Variants in PCDHGC5 observed in about 807,000 individuals in gnomAD.
PCDHGC5 encodes protocadherin gamma subfamily C, 5.
PCDHGC5 carries 25 observed loss-of-function variants against 59.0 expected under a neutral mutation model. That is an observed-to-expected ratio of 0.42 (90% confidence interval 0.31 to 0.59). PCDHGC5 has a LOEUF of 0.59. Ranked by LOEUF, PCDHGC5 falls within the 20% of genes least tolerant of loss-of-function variation. The pLI is 0.13. For synonymous variants in PCDHGC5, 434 were observed against 505.5 expected, an observed-to-expected ratio of 0.86 and a Z score of 1.90; for missense variants, 1,067 against 1,206.4, an observed-to-expected ratio of 0.88 and a Z score of 1.71.
At position 141,489,108 on chromosome 5, in the gene PCDHGC5, A is replaced by C; in HGVS notation, c.-133A>C. The C allele has an allele frequency of 2.0e-6, 1 of 489,086 alleles. No individual in the cohort carries two copies. The highest frequency in any genetic ancestry group is 3.5e-6 in the Non-Finnish European group (1 of 287,626). 30.3% of individuals were successfully genotyped at this position (489,086 alleles called of 1,614,324 possible). On this transcript the variant is annotated 5_prime_UTR_variant, in exon 1 of 4. Transcript: ENST00000252087. This position sits in a 1 kb window ranked among gnomAD's most constrained non-coding sequence, Gnocchi z 4.5. The stretch of plus-strand genomic sequence containing the variant: ...TCGGTGACTAAGAACTGCTGCAAGC[A>C]GGCAAACCTCCGAGCAGTTTTTAAG...
At chr5:141,498,991 AG>A (rs1449718352) in intron 2 of PCDHGC5, among the ~76,000 whole-genome samples, 8 of 144,362 alleles carry the variant, frequency 5.5e-5, no homozygotes, top group Non-Finnish European at 1.0e-4. Context: ...GAAGGAAGGA[AG>A]GAAGGAAGGA....
At position 141,490,479 on chromosome 5, in the gene PCDHGC5, C is replaced by T; in HGVS notation, c.1239C>T (p.Asp413=). 11 of 1,614,216 alleles carry T rather than the reference C, an allele frequency of 6.8e-6. No homozygotes were observed. Among genetic ancestry groups the T allele is most frequent in the Non-Finnish European group, 9.3e-6 (11 of 1,180,032 alleles). The part of the protein sequence containing the change: ...HYSLLTSQPL[D]REATSHYIIE... ...CGCTGCTAACCAGCCAGCCTTTGGACCGGGAGGCCACATCCCACTATATCA... is the reference window on the plus strand; with the variant it reads ...CGCTGCTAACCAGCCAGCCTTTGGATCGGGAGGCCACATCCCACTATATCA... The change falls in exon 1 of 4, where the codon GAC becomes GAT. Residue 413 remains aspartate (D), a synonymous_variant. Coordinates refer to ENST00000252087, the MANE Select transcript of PCDHGC5 (RefSeq NM_018929.3). This position sits in a 1 kb window ranked among gnomAD's most constrained non-coding sequence, Gnocchi z 5.4.
chr5:141,506,216 T>A (rs2237080), intron 3 of PCDHGC5, among the ~76,000 whole-genome samples: 78,167 of 151,604 alleles, frequency 0.52, 20,820 homozygotes, highest in African/African-American at 0.63. Flanking sequence ...TTTGGGAAGC[T>A]GAGGCAGGAG....
rs1243327893 is a variant in PCDHGC5, at chr5:141,491,671, C to G, written c.2431C>G (p.Arg811Gly). 1 of 1,613,484 alleles carries G rather than the reference C, an allele frequency of 6.2e-7. No homozygotes were observed. Among genetic ancestry groups the G allele is most frequent in the Admixed American group, 1.7e-5 (1 of 60,034 alleles). The change falls in exon 1 of 4, where the codon CGC becomes GGC. Residue 811 changes from arginine (R) to glycine (G), a missense_variant. By Grantham distance (125) the Arg-to-Gly change is moderately radical (BLOSUM62 -2). Transcript: ENST00000252087. This position sits in a 1 kb window ranked among gnomAD's most constrained non-coding sequence, Gnocchi z 6.9. ...GCTGGAGCCTGACGCCATCCGGTCC[C>G]GCTCTAATACGCTGCGGGAGCGGAG... ...LALEPDAIRS[R>G]SNTLRERSQQ...
At position 141,512,114 on chromosome 5, in the gene PCDHGC5, C is replaced by T. The variant is rs2099884080; in HGVS notation, c.*941C>T. ...TAACTAGGCTGGACCCTTCCCACTA[C>T]ATAATAGGGCTCAGCCCAGGCAGCC... On this transcript the variant is annotated 3_prime_UTR_variant, in exon 4 of 4. Coordinates refer to ENST00000252087, the MANE Select transcript of PCDHGC5 (RefSeq NM_018929.3). 2 of 152,696 alleles carry T rather than the reference C, an allele frequency of 1.3e-5. No homozygotes were observed. Among genetic ancestry groups the T allele is most frequent in the African/African-American group, 4.8e-5 (2 of 41,468 alleles). 9.5% of individuals were successfully genotyped at this position (152,696 alleles called of 1,614,324 possible).
chr5:141,508,800 C>A (rs973992018), intron 3 of PCDHGC5, among the ~76,000 whole-genome samples: 1 of 152,086 alleles, frequency 6.6e-6, no homozygotes, highest in African/African-American at 2.4e-5. Context: ...CTCTGGAATC[C>A]TGGCTCTTTG....
chr5:141,499,191 C>A (rs920773306), intron 2 of PCDHGC5, among the ~76,000 whole-genome samples: 1 of 152,116 alleles, frequency 6.6e-6, no homozygotes, highest in Non-Finnish European at 1.5e-5. Context: ...ACCATTTCCC[C>A]CTTCTTAGGC....
At chr5:141,495,771 C>T (rs941051365) in intron 2 of PCDHGC5, among the ~76,000 whole-genome samples, 1 of 152,110 alleles carries the variant, frequency 6.6e-6, no homozygotes, top group Non-Finnish European at 1.5e-5. Flanking sequence ...TGTCCTTGTC[C>T]TGGACCTCTT....
rs1453419469 is a variant in PCDHGC5, at chr5:141,505,501, G to A, written c.2608+20G>A. On this transcript the variant is annotated intron_variant, in intron 3 of 3. Transcript: ENST00000252087. ...CCAGTGGTAAGTGGTGTCAGTGTGT[G>A]TATGGAAGAGTGGGAGACCTGGGGT... The A allele has an allele frequency of 1.2e-6, 2 of 1,614,156 alleles. No homozygotes were observed. Among genetic ancestry groups the A allele is most frequent in the Non-Finnish European group, 1.7e-6 (2 of 1,179,970 alleles).
chr5:141,497,110 C>T (rs964183820), intron 2 of PCDHGC5, among the ~76,000 whole-genome samples: 2 of 151,738 alleles, frequency 1.3e-5, no homozygotes, highest in African/African-American at 2.4e-5. Context: ...TGCTTGAACC[C>T]GGAAGGCAGA....
intron 3 of PCDHGC5, among the ~76,000 whole-genome samples, chr5:141,507,617 C>T (rs1366723844): frequency 6.6e-6 from 1 of 152,278 alleles, no homozygotes; most frequent in African/African-American, 2.4e-5. Context: ...GTATATTTAG[C>T]TGTTGTGGCC....
chr5:141,492,908 A>G (rs1595151443), intron 1 of PCDHGC5, among the ~76,000 whole-genome samples: 2 of 152,302 alleles, frequency 1.3e-5, no homozygotes, highest in African/African-American at 4.8e-5. Context: ...TCGTGATCAC[A>G]ATGTGCCCAG....
intron 2 of PCDHGC5, among the ~76,000 whole-genome samples, chr5:141,503,292 A>T (rs7710319): frequency 0.52 from 78,681 of 151,966 alleles, 21,044 homozygotes; most frequent in African/African-American, 0.62. Flanking sequence ...TGGTACATAG[A>T]AATTGCTCAA....
chr5:141,503,608 A>G (rs1451651299), intron 2 of PCDHGC5, among the ~76,000 whole-genome samples: 3 of 151,994 alleles, frequency 2.0e-5, no homozygotes, highest in South Asian at 2.1e-4. Flanking sequence ...CAAAAAAAAA[A>G]AAAAAAGAAA....
In PCDHGC5 at chr5:141,494,836, C is replaced by G. The variant is rs1016713543; in HGVS notation, c.2490C>G (p.Phe830Leu). ...CCCCGCCCAACACGGACTGGCGTTT[C>G]TCTCAGGCCCAGAGACCCGGCACCA... ...QQAPPNTDWR[F>L]SQAQRPGTSG... The change falls in exon 2 of 4, where the codon TTC (phenylalanine) becomes TTG (leucine). Residue 830 changes from phenylalanine (F) to leucine (L), a missense_variant. Phe to Leu is a conservative substitution (Grantham distance 22, BLOSUM62 0). Coordinates refer to ENST00000252087, the MANE Select transcript of PCDHGC5 (RefSeq NM_018929.3). 1.9e-6 allele frequency: 3 copies of G among 1,614,054 alleles called. No individual in the cohort carries two copies. The highest frequency in any genetic ancestry group is 2.7e-5 in the African/African-American group (2 of 74,932).
In PCDHGC5 at chr5:141,490,795, C is replaced by A; in HGVS notation, c.1555C>A (p.Gln519Lys). The A allele has an allele frequency of 1.3e-5, 21 of 1,614,036 alleles. No homozygotes were observed. Among genetic ancestry groups the A allele is most frequent in the Non-Finnish European group, 1.8e-5 (21 of 1,179,922 alleles). The change falls in exon 1 of 4, where the codon CAG becomes AAG. Residue 519 changes from glutamine to lysine, a missense_variant. Physicochemically the swap from Gln to Lys is moderately conservative, Grantham distance 53 (BLOSUM62 1). Coordinates refer to ENST00000252087, the MANE Select transcript of PCDHGC5 (RefSeq NM_018929.3). This position sits in a 1 kb window ranked among gnomAD's most constrained non-coding sequence, Gnocchi z 5.4. ...VNPEDGRIFA[Q>K]RTFDYELLQM... ...CCCAGAGGATGGACGGATCTTTGCC[C>A]AGCGTACCTTTGACTATGAATTGCT...
At chr5:141,502,406 T>G (rs1390520101) in intron 2 of PCDHGC5, among the ~76,000 whole-genome samples, 1 of 152,072 alleles carries the variant, frequency 6.6e-6, no homozygotes, top group African/African-American at 2.4e-5. Context: ...TCCCCGAACC[T>G]GGATTTGCTG....
intron 2 of PCDHGC5, among the ~76,000 whole-genome samples, chr5:141,500,501 G>A (rs571735791): frequency 1.3e-5 from 2 of 152,058 alleles, no homozygotes; most frequent in Non-Finnish European, 2.9e-5. Context: ...GAGCCACCGC[G>A]CCTGGCCGAG....
At position 141,491,561 on chromosome 5, in the gene PCDHGC5, A is replaced by C. The variant is rs1289732955; in HGVS notation, c.2321A>C (p.Tyr774Ser). The C allele has an allele frequency of 1.2e-6, 2 of 1,613,938 alleles. No homozygotes were observed. Among genetic ancestry groups the C allele is most frequent in the Admixed American group, 3.3e-5 (2 of 60,016 alleles). Residue 774 changes from tyrosine to serine, a missense_variant, in exon 1 of 4, where the codon TAC becomes TCC. By Grantham distance (144) the Tyr-to-Ser change is moderately radical. Transcript: ENST00000252087. This position sits in a 1 kb window ranked among gnomAD's most constrained non-coding sequence, Gnocchi z 6.9. ...CCCACAGACTCGCAGAGCCACTGCT[A>C]CAGGACGTGCTTTTCACCGGCCTCG... ...LRPTDSQSHC[Y>S]RTCFSPASDG... is the part of the protein sequence containing the mutation.
Sources: gnomAD v4.1 joint callset for allele counts (sites outside exome capture counted in the v4.1 genomes callset) on GRCh38, gnomAD v4.1.1 for gene constraint, Gnocchi (gnomAD v3.1) non-coding constraint, MANE v1.5 for transcripts, NCBI Gene and HGNC (gene_info 2026-07-23, HGNC 2026-07-21) for gene names.